Variants in RARS1 observed in about 807,000 individuals in gnomAD.
RARS1 encodes arginyl-tRNA synthetase 1.
RARS1 carries 75 observed loss-of-function variants against 78.7 expected under a neutral mutation model. The observed-to-expected ratio is 0.95, with a 90% confidence interval of 0.79 to 1.15. The LOEUF (loss-of-function observed/expected upper bound fraction) is 1.15. Ranked by LOEUF, RARS1 falls within the 50% of genes most tolerant of loss-of-function variation. RARS1 has a pLI of 0.00. For missense variants in RARS1, 787 were observed against 787.5 expected (o/e 1.00, Z 0.01); for synonymous variants, 273 against 268.2 (o/e 1.02, Z -0.18).
intron 12 of RARS1, among the ~76,000 whole-genome samples, chr5:168,511,188 A>C (rs546234292): frequency 8.4e-4 from 124 of 147,104 alleles, no homozygotes; most frequent in Middle Eastern, 3.4e-3. Flanking sequence ...AAAAGTCAAC[A>C]AGAAAAATTT....
Position 168,517,902 on chromosome 5 carries a change from A to T in RARS1, c.1713A>T (p.Glu571Asp), listed in dbSNP as rs761656541. 1 of 1,613,742 alleles carries T rather than the reference A, an allele frequency of 6.2e-7. No homozygotes were observed. The highest frequency in any genetic ancestry group is 8.5e-7 in the Non-Finnish European group (1 of 1,179,968). ...AGATTCTTTTGGATCATGAGAAGGA[A>T]TGGAAACTAGGCCGGTGCATTTTAC... ...ETKILLDHEK[E>D]WKLGRCILRF... The change falls in exon 14 of 15, where the codon GAA becomes GAT. Residue 571 changes from glutamate to aspartate, a missense_variant. Physicochemically the swap from Glu to Asp is conservative, Grantham distance 45 (BLOSUM62 2). Coordinates refer to ENST00000231572, the MANE Select transcript of RARS1 (RefSeq NM_002887.4).
intron 9 of RARS1, among the ~76,000 whole-genome samples, chr5:168,505,572 T>C (rs1460294861): frequency 6.6e-6 from 1 of 152,064 alleles, no homozygotes; most frequent in South Asian, 2.1e-4. Context: ...GCTGATGGGT[T>C]CCAACTAAAG....
Position 168,518,071 on chromosome 5 carries a change from C to CTTTTTTTTTA in RARS1, c.1873+18_1873+19insATTTTTTTTT. 1.3e-6 allele frequency: 1 copy of CTTTTTTTTTA among 747,560 alleles called. No individual in the cohort carries two copies. The highest frequency in any genetic ancestry group is 1.6e-6 in the Non-Finnish European group (1 of 622,936). The allele number at this position is 747,560 out of a possible 1,614,324, so 46.3% of individuals were successfully genotyped here. A position where few individuals can be genotyped will look rare whatever the true frequency, so the allele number is the denominator to read the frequency against. ...GAAAGATAGACAGACTGGTGAGTGT[C>CTTTTTTTTTA]TTTTTTTTTTTTTTTTTTTTTTTTA... On this transcript the variant is annotated intron_variant, in intron 14 of 14. Coordinates refer to ENST00000231572, the MANE Select transcript of RARS1 (RefSeq NM_002887.4).
Position 168,518,071 on chromosome 5 carries a change from C to CTGTTTTTTTTTTTTTTTTTTTTTTT in RARS1, c.1873+10_1873+11insGTTTTTTTTTTTTTTTTTTTTTTTT. ...GAAAGATAGACAGACTGGTGAGTGT[C>CTGTTTTTTTTTTTTTTTTTTTTTTT]TTTTTTTTTTTTTTTTTTTTTTTTA... On this transcript the variant is annotated intron_variant, in intron 14 of 14. Transcript: ENST00000231572. The CTGTTTTTTTTTTTTTTTTTTTTTTT allele has an allele frequency of 1.3e-6, 1 of 747,558 alleles. No individual in the cohort carries two copies. Among genetic ancestry groups the CTGTTTTTTTTTTTTTTTTTTTTTTT allele is most frequent in the Non-Finnish European group, 1.6e-6 (1 of 622,934 alleles). 46.3% of individuals were successfully genotyped at this position (747,558 alleles called of 1,614,324 possible). A position where few individuals can be genotyped will look rare whatever the true frequency, so the allele number is the denominator to read the frequency against.
chr5:168,502,072 A>T lies in RARS1; in HGVS notation c.1024A>T (p.Met342Leu). 1 of 1,603,844 alleles carries T rather than the reference A, an allele frequency of 6.2e-7. No individual in the cohort carries two copies. Among genetic ancestry groups the T allele is most frequent in the Non-Finnish European group, 8.5e-7 (1 of 1,175,276 alleles). The change falls in exon 9 of 15, where the codon ATG becomes TTG. Residue 342 changes from methionine (M) to leucine (L), a missense_variant. Coordinates refer to ENST00000231572, the MANE Select transcript of RARS1 (RefSeq NM_002887.4). ...AGGGGAATCCTTCTATCAAGATAGG[A>T]TGAATGATATTGTAAAGGAATTTGA... Reference protein sequence around the residue: ...ERGESFYQDRMNDIVKEFEDR... With the variant: ...ERGESFYQDRLNDIVKEFEDR...
At chr5:168,517,252 C>T (rs1465237564) in intron 13 of RARS1, among the ~76,000 whole-genome samples, 3 of 152,116 alleles carry the variant, frequency 2.0e-5, no homozygotes, top group Admixed American at 6.5e-5. Context: ...AGGTGATTCT[C>T]CTGCCTCAGC....
chr5:168,512,418 C>T (rs755068793), intron 12 of RARS1, among the ~76,000 whole-genome samples: 5 of 152,060 alleles, frequency 3.3e-5, no homozygotes, highest in African/African-American at 7.2e-5. Flanking sequence ...AAGTGGTGAC[C>T]GTTGTATACT....
At chr5:168,515,510 C>T (rs549620687) in intron 12 of RARS1, among the ~76,000 whole-genome samples, 26 of 152,122 alleles carry the variant, frequency 1.7e-4, no homozygotes, top group Non-Finnish European at 2.9e-4. Context: ...GTTGGGTGCT[C>T]GGCATTATGA....
intron 2 of RARS1, among the ~76,000 whole-genome samples, chr5:168,489,797 C>T (rs1428750252): frequency 2.7e-5 from 4 of 150,842 alleles, no homozygotes; most frequent in African/African-American, 9.7e-5. Context: ...ACTCCCATGA[C>T]ATCTCTCATA....
intron 1 of RARS1, chr5:168,488,241 C>T: frequency 2.7e-6 from 1 of 365,136 alleles, no homozygotes; most frequent in Non-Finnish European, 5.5e-6. Flanking sequence ...AATTCTCCTG[C>T]CTCAGCCTCC....
At chr5:168,491,670 G>A (rs1758088060) in intron 2 of RARS1, among the ~76,000 whole-genome samples, 1 of 152,116 alleles carries the variant, frequency 6.6e-6, no homozygotes, top group South Asian at 2.1e-4. Flanking sequence ...CTTATCTGTA[G>A]CCCACATAGA....
chr5:168,492,773 C>T lies in RARS1; in HGVS notation c.295C>T (p.Pro99Ser), dbSNP rs1758112830. Residue 99 changes from proline (P) to serine (S), a missense_variant, in exon 3 of 15, where the codon CCT (proline) becomes TCT (serine). Coordinates refer to ENST00000231572, the MANE Select transcript of RARS1 (RefSeq NM_002887.4). ...KAAYPDLENP[P>S]LLVTPSQQAK... ...TGCATATCCAGATTTGGAAAATCCTCCTCTGCTAGTGACACCAAGTCAGCA... is the reference window on the plus strand; with the variant it reads ...TGCATATCCAGATTTGGAAAATCCTTCTCTGCTAGTGACACCAAGTCAGCA... 5.6e-6 allele frequency: 9 copies of T among 1,613,760 alleles called. No individual in the cohort carries two copies. The highest frequency in any genetic ancestry group is 7.6e-6 in the Non-Finnish European group (9 of 1,179,792).
chr5:168,502,568 A>ATTT (rs34271397), intron 9 of RARS1, among the ~76,000 whole-genome samples: 4 of 121,188 alleles, frequency 3.3e-5, no homozygotes, highest in South Asian at 2.7e-4. Context: ...TGATTCATGA[A>ATTT]TTTTTTTTTT....
chr5:168,506,666 G>A (rs997610613), intron 10 of RARS1, 56 bp from the exon 11 acceptor site: 26 of 1,261,692 alleles, frequency 2.1e-5, no homozygotes, highest in Middle Eastern at 2.0e-4. Context: ...AGAGCCTTAA[G>A]TCTTTTTTTT....
intron 1 of RARS1, chr5:168,488,203 C>A: frequency 2.6e-6 from 1 of 391,244 alleles, no homozygotes; most frequent in South Asian, 1.8e-5. Flanking sequence ...TCTCGACTCA[C>A]CGCAACCTCA....
chr5:168,488,502 G>C, intron 1 of RARS1, 100 bp from the exon 2 acceptor site: 1 of 1,276,592 alleles, frequency 7.8e-7, no homozygotes, highest in Non-Finnish European at 1.1e-6. Context: ...GCTCATCAAA[G>C]GGAACATTAA....
rs995591146 is a variant in RARS1, at chr5:168,519,086, A to G, written c.1879A>G (p.Ile627Val). 6.2e-7 allele frequency: 1 copy of G among 1,605,190 alleles called. No individual in the cohort carries two copies. The highest frequency in any genetic ancestry group is 8.5e-7 in the Non-Finnish European group (1 of 1,175,916). The change falls in exon 15 of 15, where the codon ATA (isoleucine) becomes GTA (valine). Residue 627 changes from isoleucine (I) to valine (V), a missense_variant. By Grantham distance (29) the Ile-to-Val change is conservative (BLOSUM62 3). Coordinates refer to ENST00000231572, the MANE Select transcript of RARS1 (RefSeq NM_002887.4). ...ACTTTTTTCTATCTTTTCAGGAAAA[A>G]TATTGAAGGTGAACATGTGGCGTAT... ...CVEKDRQTGKILKVNMWRMLL... is the reference protein window; with the variant it reads ...CVEKDRQTGKVLKVNMWRMLL...
chr5:168,490,006 G>T (rs1051610223), intron 2 of RARS1, among the ~76,000 whole-genome samples: 10 of 152,168 alleles, frequency 6.6e-5, no homozygotes, highest in African/African-American at 2.4e-4. Flanking sequence ...TAGAGACGAG[G>T]TTTCTCCATG....
At chr5:168,491,072 G>C (rs1238255114) in intron 2 of RARS1, among the ~76,000 whole-genome samples, 1 of 152,226 alleles carries the variant, frequency 6.6e-6, no homozygotes, top group Non-Finnish European at 1.5e-5. Context: ...AGGAGGCAGA[G>C]GTTGCAGTGA....
Sources: allele counts gnomAD v4.1 joint callset (sites outside exome capture counted in the v4.1 genomes callset), GRCh38; gene constraint gnomAD v4.1.1; transcripts MANE v1.5; gene names NCBI Gene and HGNC (gene_info 2026-07-23, HGNC 2026-07-21).